NRXN3: variants seen among roughly 807,000 people sequenced by gnomAD.
The protein encoded by NRXN3 is neurexin 3.
In NRXN3, 32 loss-of-function variants were observed where a neutral mutation model predicts 137.6. The observed-to-expected ratio is 0.23, with a 90% CI of 0.18 to 0.31. The LOEUF is 0.31. NRXN3 is among the 10% of genes least tolerant of loss of function. The pLI is 1.00. For synonymous variants in NRXN3, 798 were observed against 784.5 expected (o/e 1.02, Z -0.29); for missense variants, 1,574 against 2,062.5 (o/e 0.76, Z 4.59).
chr14:79,361,056 G>A (rs1367487558), intron 15 of NRXN3, among the ~76,000 whole-genome samples: 8 of 152,214 alleles, frequency 5.3e-5, no homozygotes, highest in African/African-American at 1.9e-4. Context: ...TAGCTATGAT[G>A]AAGGCAGGGT....
chr14:78,876,074 T>C (rs2099113375), intron 10 of NRXN3, among the ~76,000 whole-genome samples: 1 of 152,198 alleles, frequency 6.6e-6, no homozygotes, highest in African/African-American at 2.4e-5. Context: ...GTATTCCCTT[T>C]AAGAGAATAA....
At chr14:79,785,425 T>C (rs1304616407) in intron 19 of NRXN3, among the ~76,000 whole-genome samples, 1 of 152,190 alleles carries the variant, frequency 6.6e-6, no homozygotes. Flanking sequence ...CTTATTCCCA[T>C]TCCTTCCTTT....
intron 15 of NRXN3, among the ~76,000 whole-genome samples, chr14:79,047,084 T>C (rs1172607634): frequency 6.6e-6 from 1 of 151,810 alleles, no homozygotes; most frequent in Non-Finnish European, 1.5e-5. Flanking sequence ...AATATATAGA[T>C]TTTATTTCAT....
intron 15 of NRXN3, among the ~76,000 whole-genome samples, chr14:79,332,211 A>G (rs1484690402): frequency 6.6e-6 from 1 of 152,172 alleles, no homozygotes; most frequent in Non-Finnish European, 1.5e-5. Flanking sequence ...CAAAAACCGC[A>G]ATGATTTTCG....
chr14:79,469,357 G>A (rs544422162), intron 16 of NRXN3, among the ~76,000 whole-genome samples: 3 of 152,018 alleles, frequency 2.0e-5, no homozygotes, highest in Non-Finnish European at 4.4e-5. Context: ...ACTTCTAGGA[G>A]GAACCAGAAC....
chr14:79,854,242 G>T (rs2099397811), intron 20 of NRXN3: 2 of 628,252 alleles, frequency 3.2e-6, no homozygotes, highest in African/African-American at 2.0e-5. Flanking sequence ...AATTAATATG[G>T]TATGCTTTTT....
rs566552315 is a variant in NRXN3 at position 78,405,616 on chromosome 14, G to GGGC, written c.757+107758_757+107759insCGG. Among the ~76,000 whole-genome samples the GGGC allele has an allele frequency of 4.2e-5, 6 of 143,206 alleles. No individual in the cohort carries two copies. In the South Asian group the frequency reaches 7.7e-4, roughly 18 times the overall value. The allele number at this position is 143,206 out of a possible 152,430, so 93.9% of individuals were successfully genotyped here. A position where few individuals can be genotyped will look rare whatever the true frequency, so the allele number is the denominator to read the frequency against. ...AGAGTGGATGCTGGGGAAGGGGCGG[G>GGGC]GGGGTTCCGGGTATCTGATGAATTC... is the stretch of plus-strand genomic sequence containing the variant. On this transcript the variant is annotated intron_variant, in intron 4 of 20. Transcript: ENST00000335750.
intron 10 of NRXN3, among the ~76,000 whole-genome samples, chr14:78,940,179 A>G (rs1241692544): frequency 6.6e-6 from 1 of 152,202 alleles, no homozygotes; most frequent in Non-Finnish European, 1.5e-5. Context: ...CATTTGCTGA[A>G]CTTGCATGCT....
chr14:78,253,570 G>A (rs973406902), intron 2 of NRXN3, among the ~76,000 whole-genome samples: 1 of 152,146 alleles, frequency 6.6e-6, no homozygotes, highest in African/African-American at 2.4e-5. Flanking sequence ...AGCTACTTGG[G>A]AAGCTGAGGT....
chr14:78,695,949 A>T (rs2098221461), intron 6 of NRXN3, among the ~76,000 whole-genome samples: 1 of 151,964 alleles, frequency 6.6e-6, no homozygotes, highest in African/African-American at 2.4e-5. Flanking sequence ...TGACTTCTTC[A>T]TGTCTTTTCC....
chr14:79,176,179 A>G (rs557615926), intron 15 of NRXN3, among the ~76,000 whole-genome samples: 3 of 152,328 alleles, frequency 2.0e-5, no homozygotes, highest in South Asian at 2.1e-4. Context: ...TGTTATAGCA[A>G]TTCTTAACTG....
At chr14:79,335,838 G>T (rs1005656250) in intron 15 of NRXN3, among the ~76,000 whole-genome samples, 1 of 151,934 alleles carries the variant, frequency 6.6e-6, no homozygotes. Flanking sequence ...CTACATTCAC[G>T]ACTTTCATCC....
intron 1 of NRXN3, among the ~76,000 whole-genome samples, chr14:78,228,563 G>T (rs1198830779): frequency 1.3e-5 from 2 of 152,180 alleles, no homozygotes; most frequent in Non-Finnish European, 2.9e-5. Context: ...TCTGTGCTGG[G>T]AGCCTATTGC....
chr14:78,718,287 G>T (rs2098443598), intron 8 of NRXN3, among the ~76,000 whole-genome samples: 2 of 152,062 alleles, frequency 1.3e-5, no homozygotes. Flanking sequence ...CTTCCTTGGG[G>T]GTGAGTCCAT....
At chr14:78,415,554 CACA>C (rs1215655978) in intron 4 of NRXN3, among the ~76,000 whole-genome samples, 1 of 152,180 alleles carries the variant, frequency 6.6e-6, no homozygotes, top group Non-Finnish European at 1.5e-5. Context: ...ACAAGACCTT[CACA>C]ACTCCTCTCC....
chr14:79,020,000 T>C (rs966213899), intron 15 of NRXN3, among the ~76,000 whole-genome samples: 1 of 152,130 alleles, frequency 6.6e-6, no homozygotes, highest in African/African-American at 2.4e-5. Context: ...AGCATGGTCT[T>C]GAAGAAGGCA....
At chr14:79,440,896 G>T (rs2095929686) in intron 15 of NRXN3, among the ~76,000 whole-genome samples, 1 of 152,078 alleles carries the variant, frequency 6.6e-6, no homozygotes, top group Non-Finnish European at 1.5e-5. Context: ...GAGACTCTGG[G>T]GTAATAGGTT....
At chr14:79,597,868 T>C (rs1383444465) in intron 16 of NRXN3, among the ~76,000 whole-genome samples, 5 of 152,002 alleles carry the variant, frequency 3.3e-5, no homozygotes, top group Non-Finnish European at 7.4e-5. Flanking sequence ...ATAAAATATA[T>C]AGGCAGAGGA....
intron 15 of NRXN3, among the ~76,000 whole-genome samples, chr14:78,998,439 A>G (rs2099534592): frequency 6.6e-6 from 1 of 152,126 alleles, no homozygotes; most frequent in African/African-American, 2.4e-5. Context: ...TATTTTAGGG[A>G]AAAGCCTTCA....
Sources: gnomAD v4.1 joint callset for allele counts (sites outside exome capture counted in the v4.1 genomes callset) on GRCh38, gnomAD v4.1.1 for gene constraint, MANE v1.5 for transcripts, NCBI Gene and HGNC (gene_info 2026-07-23, HGNC 2026-07-21) for gene names.